The following DRC7 variants were observed in gnomAD, a reference collection of about 807,000 sequenced individuals.
DRC7 encodes the protein dynein regulatory complex subunit 7.
In DRC7, 80 loss-of-function variants were observed where a neutral mutation model predicts 104.4. The ratio of observed to expected loss-of-function variants is 0.77; its 90% CI spans 0.64 to 0.92. DRC7 has a LOEUF of 0.92. Among genes scored for constraint, DRC7 ranks in the 40% least tolerant of loss-of-function variants. DRC7 has a pLI of 0.00. For missense variants in DRC7, 1,034 were observed against 1,141.1 expected (o/e 0.91, Z 1.35); for synonymous variants, 405 against 447.3 (o/e 0.91, Z 1.19).
intron 1 of DRC7, among the ~76,000 whole-genome samples, chr16:57,695,296 C>T (rs1359045312): frequency 1.3e-5 from 2 of 150,264 alleles, no homozygotes; most frequent in African/African-American, 4.9e-5. Context: ...GCCTGAGACA[C>T]ACAGGTTTCA....
At position 57,715,242 on chromosome 16, in the gene DRC7, GT is replaced by G. The variant is rs543443236; in HGVS notation, c.1078-3102del. 5.3e-5 allele frequency among the ~76,000 whole-genome samples: 8 copies of G among 152,180 alleles called. No individual in the cohort carries two copies. In the East Asian group the frequency reaches 1.4e-3, roughly 26 times the overall value. On this transcript the variant is annotated intron_variant, in intron 8 of 18. Coordinates refer to ENST00000360716, the MANE Select transcript of DRC7 (RefSeq NM_001289162.2). ...TTTTTGTATTTTTAGTAGAGACAGG[GT>G]TTCACCATTTTGGCCAGGCTGGTCT...
At chr16:57,716,929 G>C (rs1330335987) in intron 8 of DRC7, among the ~76,000 whole-genome samples, 4 of 152,030 alleles carry the variant, frequency 2.6e-5, no homozygotes, top group African/African-American at 9.7e-5. Context: ...ACTCAGGTGG[G>C]CTGGGTGAAA....
intron 7 of DRC7, among the ~76,000 whole-genome samples, chr16:57,706,937 C>G (rs544059225): frequency 2.4e-4 from 36 of 152,114 alleles, no homozygotes; most frequent in Non-Finnish European, 4.3e-4. Flanking sequence ...TCCTGCCAGC[C>G]ATCCTCCTAC....
At chr16:57,705,952 A>T (rs2048717480) in intron 7 of DRC7, among the ~76,000 whole-genome samples, 1 of 121,960 alleles carries the variant, frequency 8.2e-6, no homozygotes, top group South Asian at 2.9e-4. Flanking sequence ...CCATCCTCCC[A>T]TCCATCCTTC....
At chr16:57,697,790 T>G in intron 2 of DRC7, 123 bp from the exon 3 acceptor site, 1 of 1,049,484 alleles carries the variant, frequency 9.5e-7, no homozygotes, top group Non-Finnish European at 1.4e-6. Context: ...AGGGAATCAC[T>G]CCCTATGTGT....
At chr16:57,727,242 G>A (rs561816012) in intron 15 of DRC7, 57 bp from the exon 16 acceptor site, 6 of 1,405,220 alleles carry the variant, frequency 4.3e-6, no homozygotes, top group Non-Finnish European at 6.1e-6. Flanking sequence ...AAGTGCTGGG[G>A]TTACAGGAGT....
chr16:57,717,433 T>C (rs1597805799), intron 8 of DRC7, among the ~76,000 whole-genome samples: 1 of 148,012 alleles, frequency 6.8e-6, no homozygotes, highest in Non-Finnish European at 1.5e-5. Context: ...GCACGGTGCC[T>C]CATGCCTGTA....
chr16:57,704,981 G>A lies in DRC7; in HGVS notation c.805G>A (p.Glu269Lys), dbSNP rs1597796458. The change falls in exon 7 of 19, where the codon GAG (glutamate) becomes AAG (lysine). Residue 269 changes from glutamate (E) to lysine (K), a missense_variant. Transcript: ENST00000360716. ...EQEQEVKKQQ[E>K]IRAQEKKRLR... Reference sequence around the variant, plus strand: ...GGAGCAAGAGGTGAAGAAGCAGCAGGAGATCAGAGCCCAGGAGAAGAAGCG... The same window carrying A: ...GGAGCAAGAGGTGAAGAAGCAGCAGAAGATCAGAGCCCAGGAGAAGAAGCG... 2 of 1,613,446 alleles carry A rather than the reference G, an allele frequency of 1.2e-6. No individual in the cohort carries two copies. The highest frequency in any genetic ancestry group is 1.7e-5 in the Admixed American group (1 of 59,992).
Position 57,698,128 on chromosome 16 carries a change from A to G in DRC7, c.179A>G (p.Gln60Arg), listed in dbSNP as rs1165543391. 6.2e-7 allele frequency: 1 copy of G among 1,614,172 alleles called. No individual in the cohort carries two copies. Among genetic ancestry groups the G allele is most frequent in the Non-Finnish European group, 8.5e-7 (1 of 1,180,026 alleles). Residue 60 changes from glutamine (Q) to arginine (R), a missense_variant, in exon 3 of 19, where the codon CAG becomes CGG. By Grantham distance (43) the Gln-to-Arg change is conservative. Coordinates refer to ENST00000360716, the MANE Select transcript of DRC7 (RefSeq NM_001289162.2). ...RDLEKKLSEI[Q>R]ITVSAELPAF... is the part of the protein sequence containing the mutation. ...CTGGAGAAGAAGCTGTCAGAGATCC[A>G]GATCACTGTCTCAGCGGAGCTCCCG...
At chr16:57,702,558 G>C (rs1162531303) in intron 6 of DRC7, among the ~76,000 whole-genome samples, 1 of 152,180 alleles carries the variant, frequency 6.6e-6, no homozygotes, top group African/African-American at 2.4e-5. Context: ...CAGCACTTTG[G>C]GAGTCCAAGG....
Position 57,726,675 on chromosome 16 carries a change from T to C in DRC7, c.1975-157T>C, listed in dbSNP as rs1486296422. ...CTTCAGTTCCTCTTTTATTATTATC[T>C]GTATTTTTATAAGTGAGAAAATTAA... On this transcript the variant is annotated intron_variant, in intron 14 of 18. Transcript: ENST00000360716. 5.2e-6 allele frequency: 3 copies of C among 574,268 alleles called. No homozygotes were observed. In the African/African-American group the frequency reaches 5.6e-5, roughly 11 times the overall value. The allele number at this position is 574,268 out of a possible 1,614,324, so 35.6% of individuals were successfully genotyped here.
intron 16 of DRC7, among the ~76,000 whole-genome samples, chr16:57,727,997 G>C (rs1379158421): frequency 6.6e-6 from 1 of 152,200 alleles, no homozygotes; most frequent in Non-Finnish European, 1.5e-5. Flanking sequence ...CCCCAGGGTG[G>C]AAAAGAAAAG....
intron 9 of DRC7, 71 bp downstream of exon 9, chr16:57,718,546 G>C: frequency 6.4e-7 from 1 of 1,572,378 alleles, no homozygotes; most frequent in Non-Finnish European, 8.7e-7. Flanking sequence ...AGTGTCCCCA[G>C]CAGCATATGT....
intron 8 of DRC7, among the ~76,000 whole-genome samples, chr16:57,715,865 C>T (rs1263258656): frequency 6.6e-6 from 1 of 152,172 alleles, no homozygotes; most frequent in Non-Finnish European, 1.5e-5. Flanking sequence ...ATCCATCAGG[C>T]TCCGAGGTGA....
At position 57,707,572 on chromosome 16, in the gene DRC7, C is replaced by G. The variant is rs374813861; in HGVS notation, c.971C>G (p.Thr324Arg). 1 of 1,613,632 alleles carries G rather than the reference C, an allele frequency of 6.2e-7. No individual in the cohort carries two copies. Residue 324 changes from threonine (T) to arginine (R), a missense_variant, in exon 8 of 19, where the codon ACA becomes AGA. Thr to Arg is a moderately conservative substitution (Grantham distance 71). Coordinates refer to ENST00000360716, the MANE Select transcript of DRC7 (RefSeq NM_001289162.2). ...GAGAACTTCTTCATCGACCCATTCA[C>G]AGGACATAGCTACAGCACCCAGGAT... The part of the protein sequence containing the change: ...VPENFFIDPF[T>R]GHSYSTQDEH...
chr16:57,730,812 G>C (rs1251822430), intron 17 of DRC7, 119 bp from the exon 18 acceptor site: 1 of 1,087,290 alleles, frequency 9.2e-7, no homozygotes, highest in Non-Finnish European at 1.3e-6. Context: ...GCTTGTGTGA[G>C]TGGGGACACT....
chr16:57,714,346 C>A, intron 8 of DRC7: 1 of 159,008 alleles, frequency 6.3e-6, no homozygotes, highest in Non-Finnish European at 1.4e-5. Flanking sequence ...TCTGGTGGGG[C>A]ATGGCGGCTT....
chr16:57,721,594 A>C (rs2148764306), intron 9 of DRC7, 73 bp from the exon 10 acceptor site: 9 of 1,204,416 alleles, frequency 7.5e-6, no homozygotes, highest in African/African-American at 1.5e-5. Flanking sequence ...AGGCAGAGAC[A>C]GAGCTTTGAC....
chr16:57,727,318 T>C lies in DRC7; in HGVS notation c.2105T>C (p.Leu702Pro). Reference protein sequence around the residue: ...SELEVLEILKLREEEEAAHTL... With the variant: ...SELEVLEILKPREEEEAAHTL... ...TTTCAGGTGCTGGAGATTCTGAAGC[T>C]TCGAGAGGAAGAGGAGGCGGCGCAC... The change falls in exon 16 of 19, where the codon CTT becomes CCT. Residue 702 changes from leucine (L) to proline (P), a missense_variant. Physicochemically the swap from Leu to Pro is moderately conservative, Grantham distance 98. Transcript: ENST00000360716. The C allele has an allele frequency of 2.5e-6, 4 of 1,613,180 alleles. No individual in the cohort carries two copies. Among genetic ancestry groups the C allele is most frequent in the Non-Finnish European group, 2.5e-6 (3 of 1,179,830 alleles).
Sources: gnomAD v4.1 joint callset for allele counts (sites outside exome capture counted in the v4.1 genomes callset) on GRCh38, gnomAD v4.1.1 for gene constraint, MANE v1.5 for transcripts, NCBI Gene and HGNC (gene_info 2026-07-23, HGNC 2026-07-21) for gene names.